Variants in UTRN observed in about 807,000 individuals in gnomAD.
The protein encoded by UTRN is dystrophin-related protein 1.
A neutral mutation model predicts 463.9 loss-of-function variants in UTRN; 283 were observed. The observed-to-expected ratio is 0.61, with a 90% confidence interval of 0.55 to 0.67. The LOEUF (loss-of-function observed/expected upper bound fraction) is 0.67. Among genes scored for constraint, UTRN ranks in the 30% least tolerant of loss-of-function variants. The pLI is 0.00. For missense variants in UTRN, 3,922 were observed against 4,084.3 expected (o/e 0.96, Z 1.08); for synonymous variants, 1,442 against 1,431.5 (o/e 1.01, Z -0.17).
rs560581181 is a variant in UTRN at position 144,347,837 on chromosome 6, G to GTTTTTTTTTTTTTTTTTTTTTTTTTT, written c.80-55274_80-55273insTTTTTTTTTTTTTTTTTTTTTTTTTT. ...TCTCCTGAACTGTGGCTTATTCTTTGTTTTTTTTTTTTGTTTTTTTTTTTG... is the reference window on the plus strand; with the variant it reads ...TCTCCTGAACTGTGGCTTATTCTTTGTTTTTTTTTTTTTTTTTTTTTTTTTTTTTTTTTTTTTTGTTTTTTTTTTTG... On this transcript the variant is annotated intron_variant, in intron 2 of 74. Coordinates refer to ENST00000367545, the MANE Select transcript of UTRN (RefSeq NM_007124.3). 1.2e-4 allele frequency among the ~76,000 whole-genome samples: 15 copies of GTTTTTTTTTTTTTTTTTTTTTTTTTT among 128,910 alleles called. 2 individuals are homozygous for GTTTTTTTTTTTTTTTTTTTTTTTTTT. Among genetic ancestry groups the GTTTTTTTTTTTTTTTTTTTTTTTTTT allele is most frequent in the African/African-American group, 4.7e-4 (14 of 29,478 alleles). 84.6% of individuals were successfully genotyped at this position (128,910 alleles called of 152,430 possible).
chr6:144,389,553 C>T (rs1053420798), intron 2 of UTRN, among the ~76,000 whole-genome samples: 56 of 151,752 alleles, frequency 3.7e-4, no homozygotes, highest in African/African-American at 1.3e-3. Context: ...CTTTAAGTTA[C>T]CAAAGTCTGA....
At chr6:144,476,643 A>G (rs1404574732) in intron 25 of UTRN, among the ~76,000 whole-genome samples, 4 of 152,176 alleles carry the variant, frequency 2.6e-5, no homozygotes, top group Non-Finnish European at 5.9e-5. Context: ...GTAACGGGGA[A>G]TGTGGGGTCC....
intron 23 of UTRN, among the ~76,000 whole-genome samples, chr6:144,463,875 C>CTA (rs922152696): frequency 1.3e-5 from 2 of 150,620 alleles, no homozygotes; most frequent in African/African-American, 4.9e-5. Context: ...AGATATATAT[C>CTA]TATATATATA....
rs1252317989 is a variant in UTRN, at chr6:144,285,708, C to G, written c.-206C>G. ...TTTTTAAATACATCGCACCACCAAA[C>G]TAACACTCGCACACACCCCCGCGGT... On this transcript the variant is annotated 5_prime_UTR_variant, in exon 1 of 75. Transcript: ENST00000367545. 6.6e-6 allele frequency: 1 copy of G among 152,054 alleles called. No homozygotes were observed. Among genetic ancestry groups the G allele is most frequent in the Non-Finnish European group, 1.5e-5 (1 of 68,018 alleles). 9.4% of individuals were successfully genotyped at this position (152,054 alleles called of 1,614,324 possible).
chr6:144,496,619 C>T (rs1236165491), intron 33 of UTRN, among the ~76,000 whole-genome samples: 2 of 152,038 alleles, frequency 1.3e-5, no homozygotes, highest in Non-Finnish European at 2.9e-5. Flanking sequence ...AGGAATTATA[C>T]AAGGAGACAG....
intron 21 of UTRN, among the ~76,000 whole-genome samples, chr6:144,459,849 C>G (rs1387697062): frequency 6.6e-6 from 1 of 152,002 alleles, no homozygotes; most frequent in East Asian, 1.9e-4. Flanking sequence ...CTCAGCCTCC[C>G]AAAATAACAG....
chr6:144,710,019 C>T (rs547641514), intron 53 of UTRN, among the ~76,000 whole-genome samples: 9 of 152,236 alleles, frequency 5.9e-5, no homozygotes, highest in African/African-American at 2.2e-4. Flanking sequence ...TGCTTCTGTA[C>T]GAAGAGCAAT....
rs551717352 is a variant in UTRN, at chr6:144,324,103, A to G, written c.79+32196A>G. ...AAAGCTGAGCATTTGGGTTCTAGAA[A>G]CCTTTACACTGGGTGTATTTTTATT... On this transcript the variant is annotated intron_variant, in intron 2 of 74. Coordinates refer to ENST00000367545, the MANE Select transcript of UTRN (RefSeq NM_007124.3). 2.9e-3 allele frequency among the ~76,000 whole-genome samples: 438 copies of G among 152,226 alleles called. 14 individuals are homozygous for G. The highest frequency in any genetic ancestry group is 2.5e-4 in the Non-Finnish European group (17 of 68,020).
chr6:144,347,246 A>C (rs1183341543), intron 2 of UTRN, among the ~76,000 whole-genome samples: 1 of 152,232 alleles, frequency 6.6e-6, no homozygotes, highest in Non-Finnish European at 1.5e-5. Flanking sequence ...AATCACCAAC[A>C]TGCTTGTGCC....
At chr6:144,313,996 T>G (rs918038350) in intron 2 of UTRN, among the ~76,000 whole-genome samples, 2 of 152,308 alleles carry the variant, frequency 1.3e-5, no homozygotes, top group African/African-American at 4.8e-5. Flanking sequence ...GAGTAGAATA[T>G]TTGTAATGAA....
intron 74 of UTRN, among the ~76,000 whole-genome samples, chr6:144,849,874 A>T (rs939185125): frequency 6.6e-6 from 1 of 152,192 alleles, no homozygotes; most frequent in Non-Finnish European, 1.5e-5. Context: ...ATCAATATTA[A>T]TATGTAACAA....
At chr6:144,751,974 T>C (rs1381099531) in intron 56 of UTRN, 22 bp downstream of exon 56, 2 of 1,590,704 alleles carry the variant, frequency 1.3e-6, no homozygotes, top group South Asian at 2.3e-5. Context: ...TTCCCCTTCA[T>C]AATGCAGGCT....
chr6:144,649,665 C>T lies in UTRN; in HGVS notation c.7480-28741C>T, dbSNP rs546274066. On this transcript the variant is annotated intron_variant, in intron 51 of 74. Transcript: ENST00000367545. ...CTGTAAGCCGGGAACTTAAAGGGAA[C>T]TTCTTTTTTTTTAATGTTAAGTGTT... Among the ~76,000 whole-genome samples, 13 of 152,048 alleles carry T rather than the reference C, an allele frequency of 8.5e-5. No individual in the cohort carries two copies. In the South Asian group the frequency reaches 2.7e-3, roughly 32 times the overall value.
At chr6:144,646,457 A>C (rs985159954) in intron 51 of UTRN, among the ~76,000 whole-genome samples, 2 of 152,208 alleles carry the variant, frequency 1.3e-5, no homozygotes, top group Non-Finnish European at 2.9e-5. Flanking sequence ...AATTAGAATA[A>C]CAGAACAACA....
In UTRN at chr6:144,286,313, A is replaced by G. The variant is rs988337402; in HGVS notation, c.-93+492A>G. 1.3e-5 allele frequency among the ~76,000 whole-genome samples: 2 copies of G among 152,092 alleles called. No individual in the cohort carries two copies. Among genetic ancestry groups the G allele is most frequent in the African/African-American group, 4.8e-5 (2 of 41,438 alleles). On this transcript the variant is annotated intron_variant, in intron 1 of 74. Transcript: ENST00000367545. The surrounding 1 kb of genome is among the most constrained non-coding windows in gnomAD (Gnocchi z 4.4). ...GCGGTGTCCACAGGAGAGGGTGGGCAGAGGGTGGCTGTGTGGTCGGCGGCC... is the reference window on the plus strand; with the variant it reads ...GCGGTGTCCACAGGAGAGGGTGGGCGGAGGGTGGCTGTGTGGTCGGCGGCC...
At chr6:144,518,161 C>T (rs554834129) in intron 39 of UTRN, among the ~76,000 whole-genome samples, 1 of 152,296 alleles carries the variant, frequency 6.6e-6, no homozygotes, top group African/African-American at 2.4e-5. Context: ...GATTTTCTCC[C>T]ATGATATTAT....
At chr6:144,310,124 A>G (rs1806111877) in intron 2 of UTRN, among the ~76,000 whole-genome samples, 1 of 152,280 alleles carries the variant, frequency 6.6e-6, no homozygotes, top group African/African-American at 2.4e-5. Context: ...TATCTAGAAC[A>G]GTGCCTGACA....
intron 51 of UTRN, among the ~76,000 whole-genome samples, chr6:144,634,783 G>A (rs1221572742): frequency 6.6e-6 from 1 of 152,082 alleles, no homozygotes; most frequent in Non-Finnish European, 1.5e-5. Flanking sequence ...GTGCTTTAAT[G>A]ACTGTCTTTT....
chr6:144,349,597 TAG>T lies in UTRN; in HGVS notation c.80-53523_80-53522del, dbSNP rs1777933038. Among the ~76,000 whole-genome samples, 3 of 152,166 alleles carry T rather than the reference TAG, an allele frequency of 2.0e-5. No homozygotes were observed. In the South Asian group the frequency reaches 6.2e-4, roughly 32 times the overall value. ...TCTGTTGATAATGGGCTCTTTTAGG[TAG>T]AGTCTAGGGTAGGAAATCAAACATT... On this transcript the variant is annotated intron_variant, in intron 2 of 74. Coordinates refer to ENST00000367545, the MANE Select transcript of UTRN (RefSeq NM_007124.3).
Sources: allele counts gnomAD v4.1 joint callset (sites outside exome capture counted in the v4.1 genomes callset), GRCh38; gene constraint gnomAD v4.1.1; non-coding constraint Gnocchi (gnomAD v3.1); transcripts MANE v1.5; gene names NCBI Gene and HGNC (gene_info 2026-07-23, HGNC 2026-07-21).